DOCK9: variants seen among roughly 807,000 people sequenced by gnomAD.
DOCK9 encodes the protein dedicator of cytokinesis 9.
Under a neutral mutation model 263.3 loss-of-function variants are expected in DOCK9, and 89 were observed. The ratio of observed to expected loss-of-function variants is 0.34; its 90% CI spans 0.28 to 0.40. The LOEUF (loss-of-function observed/expected upper bound fraction) is 0.40, where lower values mean the gene tolerates loss of function less well. DOCK9 is among the 10% of genes least tolerant of loss of function. The pLI, the probability that DOCK9 is intolerant of heterozygous loss-of-function variation, is 1.00. For synonymous variants in DOCK9, 976 were observed against 973.1 expected (o/e 1.00, Z -0.06); for missense variants, 2,140 against 2,603.4 (o/e 0.82, Z 3.87).
intron 1 of DOCK9, among the ~76,000 whole-genome samples, chr13:99,023,730 C>G (rs1473465812): frequency 6.6e-6 from 1 of 152,102 alleles, no homozygotes; most frequent in African/African-American, 2.4e-5. Context: ...GGTGTAAGAC[C>G]AGAAAAACGA....
In DOCK9 at chr13:98,863,010, C is replaced by T. The variant is rs2093919075; in HGVS notation, c.3579+9G>A. The T allele has an allele frequency of 6.3e-7, 1 of 1,594,352 alleles. No homozygotes were observed. The highest frequency in any genetic ancestry group is 8.5e-7 in the Non-Finnish European group (1 of 1,169,916). ...TATAGGCTGAGTTAATGTGACCATG[C>T]TTACGTACCATGCCCGCGTTCACAG... On this transcript the variant is annotated intron_variant, in intron 32 of 52. Coordinates refer to ENST00000682017, the MANE Select transcript of DOCK9 (RefSeq NM_001366683.2).
At chr13:99,027,264 A>C (rs9513533) in intron 1 of DOCK9, among the ~76,000 whole-genome samples, 79,555 of 152,006 alleles carry the variant, frequency 0.52, 21,112 homozygotes, top group South Asian at 0.68. Context: ...GTGATCCACC[A>C]GCCTCAGCCT....
At chr13:99,021,558 G>A (rs1886102326) in intron 1 of DOCK9, among the ~76,000 whole-genome samples, 1 of 149,300 alleles carries the variant, frequency 6.7e-6, no homozygotes, top group African/African-American at 2.5e-5. Context: ...AGAATGGCGT[G>A]AACCCGGAAG....
intron 15 of DOCK9, among the ~76,000 whole-genome samples, chr13:98,890,133 TACC>T (rs2046394462): frequency 6.6e-6 from 1 of 152,220 alleles, no homozygotes; most frequent in Non-Finnish European, 1.5e-5. Flanking sequence ...ATCCAGATTT[TACC>T]ACCTACTGCA....
intron 2 of DOCK9, among the ~76,000 whole-genome samples, chr13:98,946,884 A>T (rs1191692777): frequency 6.6e-6 from 1 of 151,102 alleles, no homozygotes; most frequent in East Asian, 1.9e-4. Context: ...CCTTCTTCCA[A>T]CTCTTCTTCT....
At chr13:98,918,642 A>G (rs1299161824) in intron 7 of DOCK9, among the ~76,000 whole-genome samples, 1 of 152,208 alleles carries the variant, frequency 6.6e-6, no homozygotes, top group Admixed American at 6.5e-5. Context: ...AGGTAAAATG[A>G]TTTCACTTTG....
chr13:99,077,356 T>C (rs1394110789), intron 1 of DOCK9, among the ~76,000 whole-genome samples: 1 of 152,114 alleles, frequency 6.6e-6, no homozygotes, highest in Non-Finnish European at 1.5e-5. Flanking sequence ...AGAGTTCTCA[T>C]GAGATCTGGT....
intron 1 of DOCK9, among the ~76,000 whole-genome samples, chr13:99,029,544 G>T (rs1435826380): frequency 6.6e-6 from 1 of 152,166 alleles, no homozygotes; most frequent in African/African-American, 2.4e-5. Context: ...GATCATCAAA[G>T]AAGATATGAA....
rs73558803 is a variant in DOCK9, at chr13:98,899,839, G to C, written c.1504-1578C>G. ...TAGAACACAGTATGTGTGAAAGTCA[G>C]AGTAAGAAACTTATTTTTTCCCTTT... On this transcript the variant is annotated intron_variant, in intron 13 of 52. Coordinates refer to ENST00000682017, the MANE Select transcript of DOCK9 (RefSeq NM_001366683.2). Among the ~76,000 whole-genome samples, 1,164 of 152,326 alleles carry C rather than the reference G, an allele frequency of 7.6e-3. 15 individuals carry two copies. Among genetic ancestry groups the C allele is most frequent in the African/African-American group, 0.027 (1,129 of 41,582 alleles).
intron 1 of DOCK9, chr13:99,015,840 T>C: frequency 1.7e-6 from 2 of 1,190,076 alleles, no homozygotes; most frequent in Non-Finnish European, 2.1e-6. Flanking sequence ...AAACACAAGA[T>C]GACACACCTC....
At chr13:98,797,558 G>T in intron 50 of DOCK9, 69 bp from the exon 51 acceptor site, 1 of 1,393,136 alleles carries the variant, frequency 7.2e-7, no homozygotes, top group Non-Finnish European at 1.0e-6. Context: ...CTCAGTTTCA[G>T]TTTGCAGGCA....
intron 49 of DOCK9, among the ~76,000 whole-genome samples, chr13:98,802,738 G>A (rs2090262874): frequency 6.6e-6 from 1 of 152,162 alleles, no homozygotes; most frequent in South Asian, 2.1e-4. Context: ...CCTTTTCCTG[G>A]TGTAGAGGGC....
Position 98,999,312 on chromosome 13 carries a change from A to ACTCTCTCTCT in DOCK9, c.130-43762_130-43761insAGAGAGAGAG, listed in dbSNP as rs1317087020. ...CGCGCACACACACACACACACACAC[A>ACTCTCTCTCT]CACACTCTCTCTCTCTCTCTCTCTG... On this transcript the variant is annotated intron_variant, in intron 1 of 32. Transcript: ENST00000427887. Among the ~76,000 whole-genome samples, 16 of 110,240 alleles carry ACTCTCTCTCT rather than the reference A, an allele frequency of 1.5e-4. 1 individual carries two copies. The East Asian group carries it at 3.1e-3, about 21-fold the overall frequency. The allele number at this position is 110,240 out of a possible 152,430, so 72.3% of individuals were successfully genotyped here.
At chr13:98,841,244 A>C (rs1026727576) in intron 38 of DOCK9, among the ~76,000 whole-genome samples, 15 of 152,352 alleles carry the variant, frequency 9.8e-5, no homozygotes, top group Non-Finnish European at 1.9e-4. Flanking sequence ...TTCAGGAGGT[A>C]GGCGTCATAC....
chr13:99,086,283 C>G lies in DOCK9; in HGVS notation c.69G>C (p.Pro23=). ...TCTGCCGCAGCTCGGCCGCCGTGCC[C>G]GGCTTACTCAGCGCCCGGGTGAACT... Residue 23 remains proline, a synonymous_variant, in exon 1 of 33, where the codon CCG becomes CCC. Transcript: ENST00000427887. 2.7e-6 allele frequency: 4 copies of G among 1,495,716 alleles called. 1 individual carries two copies. The highest frequency in any genetic ancestry group is 2.5e-5 in the South Asian group (2 of 80,020). The allele number at this position is 1,495,716 out of a possible 1,614,324, so 92.7% of individuals were successfully genotyped here.
intron 1 of DOCK9, among the ~76,000 whole-genome samples, chr13:99,019,690 G>A (rs558617681): frequency 3.3e-5 from 5 of 152,290 alleles, no homozygotes; most frequent in South Asian, 4.1e-4. Context: ...CTCTTGGGGT[G>A]GGTGTGATGT....
intron 1 of DOCK9, among the ~76,000 whole-genome samples, chr13:99,062,357 A>T (rs1007982977): frequency 6.6e-6 from 1 of 152,198 alleles, no homozygotes; most frequent in Non-Finnish European, 1.5e-5. Flanking sequence ...GCAAACTTCG[A>T]ATGACCTCAT....
Position 98,867,971 on chromosome 13 carries a change from T to G in DOCK9, c.3131A>C (p.Gln1044Pro). ...AAAACAGCTAATGTAGTTGTTGATC[T>G]GCTTGAAGACAAAGCCCCTGTCCAT... ...TFMDRGFVFKQINNYISCFAP... is the reference protein window; with the variant it reads ...TFMDRGFVFKPINNYISCFAP... The change falls in exon 29 of 53, where the codon CAG (glutamine) becomes CCG (proline). Residue 1044 changes from glutamine (Q) to proline (P), a missense_variant. Physicochemically the swap from Gln to Pro is moderately conservative, Grantham distance 76. Around this residue, in one of 2 missense-constraint regions of DOCK9, gnomAD observed 1,521 missense variants for 1,741.7 expected, o/e 0.87. Transcript: ENST00000682017. The G allele has an allele frequency of 6.2e-7, 1 of 1,613,810 alleles. No homozygotes were observed. The highest frequency in any genetic ancestry group is 8.5e-7 in the Non-Finnish European group (1 of 1,179,836).
At chr13:98,912,839 G>T (rs1233993525) in intron 9 of DOCK9, among the ~76,000 whole-genome samples, 1 of 152,092 alleles carries the variant, frequency 6.6e-6, no homozygotes, top group Admixed American at 6.6e-5. Flanking sequence ...AATTCTAGAT[G>T]GCATCACATA....
Sources: allele counts gnomAD v4.1 joint callset (sites outside exome capture counted in the v4.1 genomes callset), GRCh38; gene constraint gnomAD v4.1.1; regional missense constraint gnomAD v4.1.1; transcripts MANE v1.5; gene names NCBI Gene and HGNC (gene_info 2026-07-23, HGNC 2026-07-21).